The following CLPTM1 variants were observed in gnomAD, a reference collection of about 807,000 sequenced individuals.
CLPTM1 encodes the protein putative lipid scramblase CLPTM1.
In CLPTM1, 21 loss-of-function variants were observed where a neutral mutation model predicts 77.3. The observed-to-expected ratio is 0.27, with a 90% CI of 0.19 to 0.39. CLPTM1 has a LOEUF of 0.39. CLPTM1 is among the 10% of genes least tolerant of loss of function. The pLI is 1.00. For synonymous variants in CLPTM1, 373 were observed against 381.0 expected (o/e 0.98, Z 0.24); for missense variants, 642 against 921.2 (o/e 0.70, Z 3.92).
In CLPTM1 at chr19:44,963,348, C is replaced by T. The variant is rs1207799851; in HGVS notation, c.185+1273C>T. ...TATGTATTTTTTTTTTTTTTTGAGA[C>T]GGAGTCTCGCTCTGTCGCCCAGGCT... is the stretch of plus-strand genomic sequence containing the variant. On this transcript the variant is annotated intron_variant, in intron 2 of 13. Transcript: ENST00000337392. Among the ~76,000 whole-genome samples the T allele has an allele frequency of 6.5e-5, 9 of 138,340 alleles. No homozygotes were observed. The East Asian group carries it at 6.9e-4, about 11-fold the overall frequency. 90.8% of individuals were successfully genotyped at this position (138,340 alleles called of 152,430 possible).
At chr19:44,954,700 A>G, upstream of CLPTM1, 1 of 1,184,342 alleles carries the variant, frequency 8.4e-7, no homozygotes, top group Non-Finnish European at 1.1e-6. Flanking sequence ...CACGGATGCG[A>G]GGTTTGGACC....
upstream of CLPTM1, chr19:44,954,759 G>A: frequency 1.5e-6 from 2 of 1,345,892 alleles, no homozygotes; most frequent in Non-Finnish European, 1.9e-6. Flanking sequence ...GAAGGCTTGG[G>A]GGTGTATCAT....
intron 1 of CLPTM1, among the ~76,000 whole-genome samples, chr19:44,958,092 A>G (rs2122230623): frequency 6.6e-6 from 1 of 152,284 alleles, no homozygotes; most frequent in East Asian, 1.9e-4. Context: ...GTTGCAATTA[A>G]ATAGGGTAGT....
intron 1 of CLPTM1, among the ~76,000 whole-genome samples, chr19:44,960,949 C>T (rs1413289441): frequency 6.6e-6 from 1 of 152,240 alleles, no homozygotes; most frequent in South Asian, 2.1e-4. Flanking sequence ...TAGCAGGGTG[C>T]GTGAAGGGTG....
intron 9 of CLPTM1, among the ~76,000 whole-genome samples, chr19:44,988,665 C>T (rs1162812153): frequency 6.6e-6 from 1 of 152,246 alleles, no homozygotes; most frequent in Admixed American, 6.5e-5. Context: ...TGGGTACCCT[C>T]CCCAGTAGCT....
At chr19:44,957,078 A>G (rs1289037099) in intron 1 of CLPTM1, among the ~76,000 whole-genome samples, 1 of 152,166 alleles carries the variant, frequency 6.6e-6, no homozygotes, top group Non-Finnish European at 1.5e-5. Context: ...GACATTGCCA[A>G]ATGTTCCAAG....
At chr19:44,988,222 C>T (rs779962897) in intron 9 of CLPTM1, 49 bp downstream of exon 9, 13 of 1,338,488 alleles carry the variant, frequency 9.7e-6, no homozygotes, top group East Asian at 2.3e-5. Flanking sequence ...GGGTGGGGGA[C>T]AGGACCTGCC....
At chr19:44,960,475 A>G (rs1417165622) in intron 1 of CLPTM1, among the ~76,000 whole-genome samples, 1 of 152,166 alleles carries the variant, frequency 6.6e-6, no homozygotes, top group Non-Finnish European at 1.5e-5. Context: ...CACAGCCAAG[A>G]ACGGTGGGAC....
intron 2 of CLPTM1, among the ~76,000 whole-genome samples, chr19:44,964,980 G>A (rs558458208): frequency 3.9e-5 from 6 of 152,228 alleles, no homozygotes; most frequent in East Asian, 3.9e-4. Context: ...GGGTGGTGGC[G>A]GGGGAATATG....
At chr19:44,964,411 A>G (rs1970595396) in intron 2 of CLPTM1, among the ~76,000 whole-genome samples, 1 of 140,372 alleles carries the variant, frequency 7.1e-6, no homozygotes, top group Admixed American at 8.0e-5. Flanking sequence ...CCTGGGTTCA[A>G]GCGATTCTCC....
upstream of CLPTM1, chr19:44,955,350 G>C (rs1310274548): frequency 1.5e-6 from 2 of 1,368,802 alleles, no homozygotes; most frequent in Admixed American, 7.1e-5. Flanking sequence ...GCGAAGTCGG[G>C]GACGGGGCGG....
In CLPTM1 at chr19:44,985,242, G is replaced by A; in HGVS notation, c.611G>A (p.Arg204Gln). Reference protein sequence around the residue: ...SRMINKYKRRRFQKTKNLLTG... With the variant: ...SRMINKYKRRQFQKTKNLLTG... ...GTGATCAACAAATACAAGCGCAGAC[G>A]ATTTCAGAAAACCAAGAACCTGCTG... The change falls in exon 6 of 14, where the codon CGA becomes CAA. Residue 204 changes from arginine to glutamine, a missense_variant. Around this residue, in one of 2 missense-constraint regions of CLPTM1, gnomAD observed 521 missense variants for 800.4 expected, o/e 0.65. Transcript: ENST00000337392. The A allele has an allele frequency of 2.5e-6, 4 of 1,613,898 alleles. No individual in the cohort carries two copies. Among genetic ancestry groups the A allele is most frequent in the Admixed American group, 1.7e-5 (1 of 59,990 alleles).
chr19:44,954,885 C>T, upstream of CLPTM1: 1 of 1,271,948 alleles, frequency 7.9e-7, no homozygotes, highest in Non-Finnish European at 1.1e-6. Context: ...GAAGAGGGGT[C>T]AGAAGACAAG....
At chr19:44,970,097 A>G (rs1970694935) in intron 2 of CLPTM1, among the ~76,000 whole-genome samples, 1 of 147,732 alleles carries the variant, frequency 6.8e-6, no homozygotes, top group African/African-American at 2.6e-5. Context: ...ATTTGTAGGA[A>G]TTTCAGGGCT....
At chr19:44,962,813 C>G (rs1436813583) in intron 2 of CLPTM1, among the ~76,000 whole-genome samples, 2 of 151,970 alleles carry the variant, frequency 1.3e-5, no homozygotes, top group South Asian at 2.1e-4. Context: ...CACCTACAAT[C>G]CCAGCACTTT....
At chr19:44,959,714 T>C (rs1970515469) in intron 1 of CLPTM1, among the ~76,000 whole-genome samples, 1 of 152,192 alleles carries the variant, frequency 6.6e-6, no homozygotes, top group Non-Finnish European at 1.5e-5. Flanking sequence ...GATTGTGTAG[T>C]AGGTGCACAT....
chr19:44,964,792 G>A (rs548466548), intron 2 of CLPTM1, among the ~76,000 whole-genome samples: 7 of 152,150 alleles, frequency 4.6e-5, no homozygotes, highest in African/African-American at 1.4e-4. Context: ...TCTATTTCCT[G>A]TCTCTCTTTC....
intron 7 of CLPTM1, chr19:44,986,791 G>C: frequency 1.7e-6 from 1 of 578,896 alleles, no homozygotes; most frequent in East Asian, 3.0e-5. Context: ...CGCCAGCATC[G>C]GTCCGCAATC....
In CLPTM1 at chr19:44,992,613, G is replaced by A. The variant is rs200229776; in HGVS notation, c.1726G>A (p.Val576Met). ...CACTGCCTCCCACCCCTCTCCAGATGTGGTTTTCTTCATCTACCTCTACCA... is the reference window on the plus strand; with the variant it reads ...CACTGCCTCCCACCCCTCTCCAGATATGGTTTTCTTCATCTACCTCTACCA... ...MYRIGCLRDD[V>M]VFFIYLYQRW... Residue 576 changes from valine (V) to methionine (M), a missense_variant and splice_region_variant, in exon 14 of 14, where the codon GTG (valine) becomes ATG (methionine). Physicochemically the swap from Val to Met is conservative, Grantham distance 21. Around this residue, in one of 2 missense-constraint regions of CLPTM1, gnomAD observed 521 missense variants for 800.4 expected, o/e 0.65. Transcript: ENST00000337392. The surrounding 1 kb of genome is among the most constrained non-coding windows in gnomAD (Gnocchi z 7.7). The A allele has an allele frequency of 9.3e-6, 15 of 1,613,632 alleles. No homozygotes were observed. Among genetic ancestry groups the A allele is most frequent in the East Asian group, 2.2e-5 (1 of 44,868 alleles).
Sources: gnomAD v4.1 joint callset for allele counts (sites outside exome capture counted in the v4.1 genomes callset) on GRCh38, gnomAD v4.1.1 for gene constraint, gnomAD v4.1.1 regional missense constraint, Gnocchi (gnomAD v3.1) non-coding constraint, MANE v1.5 for transcripts, NCBI Gene and HGNC (gene_info 2026-07-23, HGNC 2026-07-21) for gene names.